Variants in ASH1L observed in about 807,000 individuals in gnomAD.
The protein encoded by ASH1L is ASH1 like histone lysine methyltransferase.
A neutral mutation model predicts 269.0 loss-of-function variants in ASH1L; 23 were observed. The observed-to-expected ratio is 0.09, with a 90% CI of 0.06 to 0.12. The LOEUF (loss-of-function observed/expected upper bound fraction) is 0.12. ASH1L is among the 10% of genes least tolerant of loss of function. The pLI is 1.00. For missense variants in ASH1L, 2,912 were observed against 3,567.8 expected (o/e 0.82, Z 4.68); for synonymous variants, 1,187 against 1,253.5 (o/e 0.95, Z 1.12).
chr1:155,362,048 T>C (rs1328872780), intron 12 of ASH1L, among the ~76,000 whole-genome samples: 1 of 152,046 alleles, frequency 6.6e-6, no homozygotes, highest in African/African-American at 2.4e-5. Context: ...TTTTGTTTAT[T>C]GTTTTTGAGA....
intron 5 of ASH1L, among the ~76,000 whole-genome samples, chr1:155,429,169 T>C (rs1661416968): frequency 6.6e-6 from 1 of 152,182 alleles, no homozygotes; most frequent in African/African-American, 2.4e-5. Context: ...AAACAACACA[T>C]TAAAACTACA....
chr1:155,414,789 C>T (rs1660072814), intron 6 of ASH1L, among the ~76,000 whole-genome samples: 1 of 152,142 alleles, frequency 6.6e-6, no homozygotes, highest in African/African-American at 2.4e-5. Context: ...GAATATCCTT[C>T]TCCATCTGGT....
chr1:155,537,628 A>G (rs1482790264), intron 1 of ASH1L, among the ~76,000 whole-genome samples: 4 of 152,224 alleles, frequency 2.6e-5, no homozygotes, highest in African/African-American at 7.2e-5. Flanking sequence ...AAATTAACTC[A>G]AGTGGATCAC....
At chr1:155,373,073 C>G (rs751749086) in intron 10 of ASH1L, among the ~76,000 whole-genome samples, 1 of 151,726 alleles carries the variant, frequency 6.6e-6, no homozygotes, top group African/African-American at 2.4e-5. Context: ...ATTAGCTGGG[C>G]GTGGTGGTAT....
intron 5 of ASH1L, among the ~76,000 whole-genome samples, chr1:155,421,317 G>GTTTT (rs11442413): frequency 3.3e-4 from 28 of 85,872 alleles, no homozygotes; most frequent in South Asian, 5.5e-4. Context: ...AGTACCAACA[G>GTTTT]TTTTTTTTTT....
chr1:155,391,198 A>G (rs1393922415), intron 7 of ASH1L, among the ~76,000 whole-genome samples: 2 of 152,026 alleles, frequency 1.3e-5, no homozygotes, highest in Non-Finnish European at 2.9e-5. Flanking sequence ...CACCTGCCTC[A>G]GCCTCCCAAA....
At chr1:155,556,152 T>G (rs1042847167) in intron 1 of ASH1L, among the ~76,000 whole-genome samples, 4 of 152,086 alleles carry the variant, frequency 2.6e-5, no homozygotes, top group Non-Finnish European at 4.4e-5. Flanking sequence ...GAGGCCAAGG[T>G]GGGAGGACCA....
chr1:155,350,835 T>G (rs1295989957), intron 17 of ASH1L, among the ~76,000 whole-genome samples: 1 of 150,538 alleles, frequency 6.6e-6, no homozygotes, highest in East Asian at 2.0e-4. Context: ...GCAGGAGAGT[T>G]GCTTGAAGCC....
intron 2 of ASH1L, among the ~76,000 whole-genome samples, chr1:155,492,970 T>G (rs1666911833): frequency 6.6e-6 from 1 of 152,026 alleles, no homozygotes; most frequent in Non-Finnish European, 1.5e-5. Context: ...ATCACAGGAA[T>G]GCAACACCAT....
At chr1:155,440,147 A>G (rs1558108236) in intron 4 of ASH1L, among the ~76,000 whole-genome samples, 1 of 151,906 alleles carries the variant, frequency 6.6e-6, no homozygotes, top group Admixed American at 6.6e-5. Context: ...CTGTCTCAAC[A>G]AAAAATAAAA....
rs565191955 is a variant in ASH1L, at chr1:155,338,140, G to T, written c.8752C>A (p.Arg2918=). The T allele has an allele frequency of 9.9e-6, 16 of 1,613,830 alleles. No homozygotes were observed. The highest frequency in any genetic ancestry group is 6.7e-5 in the Admixed American group (4 of 59,976). ...PEERRHNQRE[R]LNQILLNLLE... The stretch of plus-strand genomic sequence containing the variant: ...AGATTGAGCAAGATCTGGTTGAGTC[G>T]TTCCCGTTGGTTATGCCGTCGTTCC... Residue 2918 remains arginine (R), a synonymous_variant, in exon 27 of 28, where the codon CGA becomes AGA. Coordinates refer to ENST00000392403, the MANE Select transcript of ASH1L (RefSeq NM_018489.3).
At position 155,466,723 on chromosome 1, in the gene ASH1L, C is replaced by T. The variant is rs573593603; in HGVS notation, c.4985-6825G>A. On this transcript the variant is annotated intron_variant, in intron 3 of 27. Transcript: ENST00000392403. ...GTGTCAGGAACATTTCAAGTCCTCTCTTCTAGCTATTTTTGAAAAACACAA... is the reference window on the plus strand; with the variant it reads ...GTGTCAGGAACATTTCAAGTCCTCTTTTCTAGCTATTTTTGAAAAACACAA... Among the ~76,000 whole-genome samples the T allele has an allele frequency of 1.7e-4, 26 of 152,318 alleles. 1 individual carries two copies. The highest frequency in any genetic ancestry group is 5.8e-4 in the African/African-American group (24 of 41,582).
chr1:155,354,827 T>C (rs1477542876), intron 15 of ASH1L, among the ~76,000 whole-genome samples, 197 bp from the exon 16 acceptor site: 1 of 152,176 alleles, frequency 6.6e-6, no homozygotes, highest in Admixed American at 6.5e-5. Flanking sequence ...TTTACATACA[T>C]CTGGCAAACA....
At chr1:155,533,699 C>T (rs986267566) in intron 1 of ASH1L, among the ~76,000 whole-genome samples, 9 of 146,704 alleles carry the variant, frequency 6.1e-5, no homozygotes, top group Admixed American at 2.1e-4. Flanking sequence ...GCCTGGATGA[C>T]AGAGCGAGAC....
intron 5 of ASH1L, among the ~76,000 whole-genome samples, chr1:155,422,443 T>C (rs1011993679): frequency 2.0e-5 from 3 of 151,630 alleles, no homozygotes; most frequent in Non-Finnish European, 2.9e-5. Flanking sequence ...AAGCGGGGTT[T>C]CACCATGTTT....
At chr1:155,526,486 A>C (rs566160577) in intron 1 of ASH1L, among the ~76,000 whole-genome samples, 2 of 152,336 alleles carry the variant, frequency 1.3e-5, no homozygotes, top group East Asian at 3.9e-4. Flanking sequence ...AAGAAAAACA[A>C]TAACACTCAA....
chr1:155,519,439 A>T (rs770149698), intron 2 of ASH1L, among the ~76,000 whole-genome samples: 10 of 152,112 alleles, frequency 6.6e-5, no homozygotes, highest in Non-Finnish European at 1.5e-4. Flanking sequence ...TCCAACTCAA[A>T]AAATAAATAA....
intron 10 of ASH1L, 106 bp downstream of exon 10, chr1:155,378,175 A>G: frequency 1.2e-6 from 1 of 802,100 alleles, no homozygotes; most frequent in East Asian, 2.5e-5. Context: ...TCTTTGTGCA[A>G]CTTCTTGAAA....
upstream of ASH1L, chr1:155,563,157 C>T (rs1254485721): frequency 2.2e-5 from 10 of 457,122 alleles, no homozygotes; most frequent in South Asian, 1.5e-4. Context: ...GGATCGAGGA[C>T]TGCCTAGCGC....
Sources: gnomAD v4.1 joint callset for allele counts (sites outside exome capture counted in the v4.1 genomes callset) on GRCh38, gnomAD v4.1.1 for gene constraint, MANE v1.5 for transcripts, NCBI Gene and HGNC (gene_info 2026-07-23, HGNC 2026-07-21) for gene names.